Variants in TTN observed in about 807,000 individuals in gnomAD.
The protein encoded by TTN is connectin.
TTN carries 1,525 observed loss-of-function variants against 3,223.0 expected under a neutral mutation model. The observed-to-expected ratio is 0.47, with a 90% CI of 0.45 to 0.49. The LOEUF (loss-of-function observed/expected upper bound fraction) is 0.49. Ranked by LOEUF, TTN falls within the 20% of genes least tolerant of loss-of-function variation. The pLI is 0.00. For missense variants in TTN, 40,786 were observed against 43,424.0 expected, an observed-to-expected ratio of 0.94 and a Z score of 5.40; for synonymous variants, 14,094 against 15,161.0, an observed-to-expected ratio of 0.93 and a Z score of 5.17.
rs749192459 is a variant in TTN at position 178,618,007 on chromosome 2, G to A, written c.47344C>T (p.Pro15782Ser). 9.3e-6 allele frequency: 15 copies of A among 1,612,376 alleles called. No individual in the cohort carries two copies. Among genetic ancestry groups the A allele is most frequent in the Admixed American group, 1.7e-5 (1 of 59,844 alleles). Reference sequence around the variant, plus strand: ...ATCTCAGCACCTCCATCATACTCTGGTGGTTCCCATGTCAGTGAGACACCA... The same window carrying A: ...ATCTCAGCACCTCCATCATACTCTGATGGTTCCCATGTCAGTGAGACACCA... ...RFGVSLTWEP[P>S]EYDGGAEITN... The change falls in exon 253 of 363, where the codon CCA becomes TCA. Residue 15782 changes from proline to serine, a missense_variant. By Grantham distance (74) the Pro-to-Ser change is moderately conservative. Transcript: ENST00000589042.
chr2:178,608,883 A>C lies in TTN; in HGVS notation c.52128T>G (p.Phe17376Leu), dbSNP rs761660658. 2.5e-6 allele frequency: 4 copies of C among 1,610,614 alleles called. No individual in the cohort carries two copies. Residue 17376 changes from phenylalanine (F) to leucine (L), a missense_variant, in exon 274 of 363, where the codon TTT becomes TTG. Phe to Leu is a conservative substitution (Grantham distance 22). Coordinates refer to ENST00000589042, the MANE Select transcript of TTN (RefSeq NM_001267550.2). ...AGGTCTTTCTGATATCTTCAAATACAAAGTTGATTGGTGGTCCCGGTGTAT... is the reference window on the plus strand; with the variant it reads ...AGGTCTTTCTGATATCTTCAAATACCAAGTTGATTGGTGGTCCCGGTGTAT... ...VLDTPGPPINFVFEDIRKTSV... is the reference protein window; with the variant it reads ...VLDTPGPPINLVFEDIRKTSV...
At position 178,598,135 on chromosome 2, in the gene TTN, C is replaced by T. The variant is rs73036392; in HGVS notation, c.57112-77G>A. 3.6e-3 allele frequency: 5,246 copies of T among 1,467,438 alleles called. 131 individuals carry two copies. The African/African-American group carries it at 0.058, about 16-fold the overall frequency. The allele number at this position is 1,467,438 out of a possible 1,614,324, so 90.9% of individuals were successfully genotyped here. ...TTGCTTTAATGGCTTCCTAAAGCAT[C>T]ACCAGCAGCCTATTTAACTGTTTAC... On this transcript the variant is annotated intron_variant, in intron 292 of 362. Transcript: ENST00000589042.
Position 178,582,326 on chromosome 2 carries a change from T to G in TTN, c.66130A>C (p.Thr22044Pro). The G allele has an allele frequency of 6.2e-7, 1 of 1,600,604 alleles. No homozygotes were observed. Among genetic ancestry groups the G allele is most frequent in the Non-Finnish European group, 8.5e-7 (1 of 1,173,664 alleles). The change falls in exon 314 of 363, where the codon ACT becomes CCT. Residue 22044 changes from threonine (T) to proline (P), a missense_variant. Coordinates refer to ENST00000589042, the MANE Select transcript of TTN (RefSeq NM_001267550.2). ...GGGTTTTTGGCAATTGCTGGTTCAG[T>G]GAAGACTGGATCGCCTACTCCATAT... ...NKYGVGDPVFTEPAIAKNPYD... is the reference protein window; with the variant it reads ...NKYGVGDPVFPEPAIAKNPYD...
At position 178,612,160 on chromosome 2, in the gene TTN, T is replaced by C; in HGVS notation, c.50251A>G (p.Thr16751Ala). The C allele has an allele frequency of 6.2e-7, 1 of 1,607,360 alleles. No homozygotes were observed. The highest frequency in any genetic ancestry group is 8.5e-7 in the Non-Finnish European group (1 of 1,177,618). Reference sequence around the variant, plus strand: ...GCCAGGGCGTAGGGTGGTCCAGGAGTGGCTGAAAATAAAATAAACAATGAT... The same window carrying C: ...GCCAGGGCGTAGGGTGGTCCAGGAGCGGCTGAAAATAAAATAAACAATGAT... Reference protein sequence around the residue: ...DSVLAKDTFTTPGPPYALAVV... With the variant: ...DSVLAKDTFTAPGPPYALAVV... The change falls in exon 267 of 363, where the codon ACT becomes GCT. Residue 16751 changes from threonine to alanine, a missense_variant and splice_region_variant. Thr to Ala is a moderately conservative substitution (Grantham distance 58). Transcript: ENST00000589042.
At position 178,600,899 on chromosome 2, in the gene TTN, T is replaced by C. The variant is rs749362468; in HGVS notation, c.56005A>G (p.Lys18669Glu). The change falls in exon 288 of 363, where the codon AAG becomes GAG. Residue 18669 changes from lysine (K) to glutamate (E), a missense_variant. Lys to Glu is a moderately conservative substitution (Grantham distance 56). Transcript: ENST00000589042. ...VKAVNAAGVS[K>E]PSATVGPVTV... ...ACAGGGCCAACAGTGGCTGAAGGCT[T>C]GCTGACTCCTGCAGCATTGACAGCT... is the stretch of plus-strand genomic sequence containing the variant. 2 of 1,612,990 alleles carry C rather than the reference T, an allele frequency of 1.2e-6. No homozygotes were observed. The highest frequency in any genetic ancestry group is 2.2e-5 in the South Asian group (2 of 91,042).
rs912036725 is a variant in TTN, at chr2:178,614,182, G to T, written c.49215C>A (p.Val16405=). The change falls in exon 262 of 363, where the codon GTC becomes GTA. Residue 16405 remains valine, a synonymous_variant. Coordinates refer to ENST00000589042, the MANE Select transcript of TTN (RefSeq NM_001267550.2). ...TGGTGGCCTTGAAGTTTGTATCCTTGACGGTGGATGAGAGCTTGTGCCACA... is the reference window on the plus strand; with the variant it reads ...TGGTGGCCTTGAAGTTTGTATCCTTTACGGTGGATGAGAGCTTGTGCCACA... ...SEVWHKLSST[V]KDTNFKATKL... is the part of the protein sequence containing the mutation. 6.2e-7 allele frequency: 1 copy of T among 1,612,390 alleles called. No individual in the cohort carries two copies. Among genetic ancestry groups the T allele is most frequent in the Non-Finnish European group, 8.5e-7 (1 of 1,179,194 alleles).
chr2:178,647,287 T>A (rs2062163715), intron 214 of TTN, 94 bp downstream of exon 214: 1 of 1,422,716 alleles, frequency 7.0e-7, no homozygotes. Context: ...ATAACTTCAA[T>A]ACAGACAGAC....
At position 178,654,179 on chromosome 2, in the gene TTN, A is replaced by T. The variant is rs184883030; in HGVS notation, c.38380+29T>A. 1,949 of 1,586,014 alleles carry T rather than the reference A, an allele frequency of 1.2e-3. 102 individuals carry two copies. The African/African-American group carries it at 0.022, about 18-fold the overall frequency. ...TTGTGAGGGGTACAGACAGTAAGTT[A>T]TTCTTAGCAGAGGAGAGGGAATAAA... On this transcript the variant is annotated intron_variant, in intron 193 of 362. Transcript: ENST00000589042.
chr2:178,564,224 G>C lies in TTN; in HGVS notation c.81908C>G (p.Pro27303Arg). The stretch of plus-strand genomic sequence containing the variant: ...TTTTGACCAAACAACATCAGGTATA[G>C]GTTTGCCACGGATGTCGGCTTCAAG... ...FVLEADIRGKPIPDVVWSKDG... is the reference protein window; with the variant it reads ...FVLEADIRGKRIPDVVWSKDG... Residue 27303 changes from proline (P) to arginine (R), a missense_variant, in exon 326 of 363, where the codon CCT (proline) becomes CGT (arginine). Pro to Arg is a moderately radical substitution (Grantham distance 103, BLOSUM62 -2). Coordinates refer to ENST00000589042, the MANE Select transcript of TTN (RefSeq NM_001267550.2). 1 of 1,613,418 alleles carries C rather than the reference G, an allele frequency of 6.2e-7. No homozygotes were observed. Among genetic ancestry groups the C allele is most frequent in the Non-Finnish European group, 8.5e-7 (1 of 1,179,778 alleles).
chr2:178,670,101 T>A, intron 157 of TTN, 117 bp downstream of exon 157: 1 of 615,224 alleles, frequency 1.6e-6, no homozygotes. Context: ...AGAACATAAA[T>A]TGAAGTTTAT....
Position 178,619,829 on chromosome 2 carries a change from A to G in TTN, c.46488T>C (p.Asp15496=), listed in dbSNP as rs1576537611. ...TATTGAGTTCTGCTAAAAAGACAAC[A>G]TCAGCACCAGGGGCTTCAAGAATAT... ...PQDILEAPGA[D]VVFLAELNKD... is the part of the protein sequence containing the mutation. The change falls in exon 250 of 363, where the codon GAT becomes GAC. Residue 15496 remains aspartate (D), a synonymous_variant. Transcript: ENST00000589042. 5 of 1,612,260 alleles carry G rather than the reference A, an allele frequency of 3.1e-6. No individual in the cohort carries two copies. The highest frequency in any genetic ancestry group is 4.2e-6 in the Non-Finnish European group (5 of 1,178,916).
In TTN at chr2:178,577,084, C is replaced by T. The variant is rs200191748; in HGVS notation, c.69251G>A (p.Arg23084Gln). 42 of 1,613,140 alleles carry T rather than the reference C, an allele frequency of 2.6e-5. No individual in the cohort carries two copies. Among genetic ancestry groups the T allele is most frequent in the African/African-American group, 1.2e-4 (9 of 74,822 alleles). ...TTCAGAAACCACTGTCCACAAAAGT[C>T]GGCTGGTTTCTCTCTTTTCAAGTAT... The part of the protein sequence containing the change: ...SYILEKRETS[R>Q]LLWTVVSEDI... The change falls in exon 324 of 363, where the codon CGA becomes CAA. Residue 23084 changes from arginine (R) to glutamine (Q), a missense_variant. Coordinates refer to ENST00000589042, the MANE Select transcript of TTN (RefSeq NM_001267550.2).
Position 178,532,623 on chromosome 2 carries a change from G to C in TTN, c.103992C>G (p.Leu34664=), listed in dbSNP as rs375120372. ...SLGDISDEEL[L]LPIDDYLAMK... ...TTGCTAAGTAGTCATCAATGGGGAG[G>C]AGTAATTCTTCATCAGAGATGTCCC... Residue 34664 remains leucine, a synonymous_variant, in exon 358 of 363, where the codon CTC becomes CTG. Transcript: ENST00000589042. 126 of 1,613,946 alleles carry C rather than the reference G, an allele frequency of 7.8e-5. No individual in the cohort carries two copies. Among genetic ancestry groups the C allele is most frequent in the Admixed American group, 1.2e-4 (7 of 60,010 alleles).
rs1311190415 is a variant in TTN, at chr2:178,576,818, A to G, written c.69426T>C (p.Pro23142=). The change falls in exon 325 of 363, where the codon CCT becomes CCC. Residue 23142 remains proline (P), a synonymous_variant. Transcript: ENST00000589042. This position sits in a 1 kb window ranked among gnomAD's most constrained non-coding sequence, Gnocchi z 4.3. ...KMVDRFGPPG[P]PEKPEVSNVT... ...CATTTGATACCTCTGGTTTTTCAGG[A>G]GGGCCAGGGGGACCTGAAAAGGAAG... 4 of 1,611,688 alleles carry G rather than the reference A, an allele frequency of 2.5e-6. No individual in the cohort carries two copies. Among genetic ancestry groups the G allele is most frequent in the Non-Finnish European group, 3.4e-6 (4 of 1,179,290 alleles).
intron 217 of TTN, chr2:178,644,828 C>T (rs912122628): frequency 2.3e-5 from 10 of 437,850 alleles, no homozygotes; most frequent in African/African-American, 1.9e-4. Context: ...AATTAAAGAC[C>T]AGCAGAAAAA....
At position 178,566,667 on chromosome 2, in the gene TTN, C is replaced by A. The variant is rs772724683; in HGVS notation, c.79465G>T (p.Gly26489Cys). ...YKACDPVFKP[G>C]PPTNAHIVDT... ...ACAATGTGTGCATTGGTAGGTGGGC[C>A]AGGTTTGAACACAGGATCACAGGCT... The change falls in exon 326 of 363, where the codon GGC (glycine) becomes TGC (cysteine). Residue 26489 changes from glycine to cysteine, a missense_variant. Transcript: ENST00000589042. 1 of 1,613,102 alleles carries A rather than the reference C, an allele frequency of 6.2e-7. No individual in the cohort carries two copies. Among genetic ancestry groups the A allele is most frequent in the South Asian group, 1.1e-5 (1 of 91,070 alleles).
chr2:178,777,535 A>G lies in TTN; in HGVS notation c.4530T>C (p.Asp1510=). 2 of 1,613,982 alleles carry G rather than the reference A, an allele frequency of 1.2e-6. No individual in the cohort carries two copies. The highest frequency in any genetic ancestry group is 2.7e-5 in the African/African-American group (2 of 75,046). ...DYTHKVVIKE[D]GTQSLIIVPA... is the part of the protein sequence containing the mutation. ...GGACAATAATTAGTGATTGAGTACC[A>G]TCTTCTTTAATGACTACTTTATGGG... Residue 1510 remains aspartate (D), a synonymous_variant, in exon 26 of 363, where the codon GAT becomes GAC. Transcript: ENST00000589042.
In TTN at chr2:178,567,049, T is replaced by C. The variant is rs776297490; in HGVS notation, c.79083A>G (p.Ile26361Met). Residue 26361 changes from isoleucine to methionine, a missense_variant, in exon 326 of 363, where the codon ATA (isoleucine) becomes ATG (methionine). Ile to Met is a conservative substitution (Grantham distance 10, BLOSUM62 1). Coordinates refer to ENST00000589042, the MANE Select transcript of TTN (RefSeq NM_001267550.2). ...LLEGNEYVFR[I>M]MAVNKYGVGE... ...CAACACCATATTTGTTGACAGCCAT[T>C]ATACGGAAAACATATTCATTACCTT... The C allele has an allele frequency of 1.1e-5, 17 of 1,613,644 alleles. No homozygotes were observed. The highest frequency in any genetic ancestry group is 1.4e-5 in the Non-Finnish European group (17 of 1,179,638).
At chr2:178,679,221 C>A in intron 142 of TTN, 118 bp downstream of exon 142, 2 of 1,067,684 alleles carry the variant, frequency 1.9e-6, no homozygotes, top group Admixed American at 2.3e-5. Flanking sequence ...TTGAGAGGCG[C>A]TTGTCATGGC....
Sources: allele counts gnomAD v4.1 joint callset, GRCh38; gene constraint gnomAD v4.1.1; non-coding constraint Gnocchi (gnomAD v3.1); transcripts MANE v1.5; gene names NCBI Gene and HGNC (gene_info 2026-07-23, HGNC 2026-07-21).